GPM6A: variants seen among roughly 807,000 people sequenced by gnomAD.
The protein encoded by GPM6A is neuronal membrane glycoprotein M6-a.
Under a neutral mutation model 32.1 loss-of-function variants are expected in GPM6A, and 7 were observed. The observed-to-expected ratio is 0.22, with a 90% CI of 0.12 to 0.41. The LOEUF is 0.41. Among genes scored for constraint, GPM6A ranks in the 10% least tolerant of loss-of-function variants. The pLI, the probability that GPM6A is intolerant of heterozygous loss-of-function variation, is 1.00. For missense variants in GPM6A, 235 were observed against 347.2 expected (o/e 0.68, Z 2.57); for synonymous variants, 130 against 123.4 (o/e 1.05, Z -0.35).
At chr4:176,000,846 A>C (rs1273549504) in intron 1 of GPM6A, among the ~76,000 whole-genome samples, 3 of 152,212 alleles carry the variant, frequency 2.0e-5, no homozygotes, top group Non-Finnish European at 2.9e-5. Flanking sequence ...AAAGAGCCTG[A>C]AATACTCTCT....
chr4:175,712,896 A>C (rs1215422606), intron 1 of GPM6A, among the ~76,000 whole-genome samples: 2 of 152,196 alleles, frequency 1.3e-5, no homozygotes, highest in Non-Finnish European at 2.9e-5. Context: ...CCTTTTAGAA[A>C]AATTCCCAAA....
intron 1 of GPM6A, among the ~76,000 whole-genome samples, chr4:175,945,775 A>T (rs6851980): frequency 0.17 from 4,483 of 25,628 alleles, 228 homozygotes; most frequent in South Asian, 0.35. Flanking sequence ...TGCATATTAC[A>T]TACAACTCAG....
intron 1 of GPM6A, among the ~76,000 whole-genome samples, chr4:175,828,199 G>C (rs1735495873): frequency 6.6e-6 from 1 of 152,082 alleles, no homozygotes; most frequent in Non-Finnish European, 1.5e-5. Flanking sequence ...CCACAGGTCT[G>C]CCAAAACAAA....
At chr4:175,944,636 C>T (rs1361125003) in intron 1 of GPM6A, among the ~76,000 whole-genome samples, 2 of 152,204 alleles carry the variant, frequency 1.3e-5, no homozygotes, top group African/African-American at 2.4e-5. Context: ...AATCTCTGCA[C>T]ATCTCCCTCA....
chr4:175,638,735 G>A lies in GPM6A; in HGVS notation c.684+1394C>T, dbSNP rs185773972. ...TAAAAGATACCTTCACAGACTTCTTGTACCTGGGTATATATTGCTTGTACA... is the reference window on the plus strand; with the variant it reads ...TAAAAGATACCTTCACAGACTTCTTATACCTGGGTATATATTGCTTGTACA... On this transcript the variant is annotated intron_variant, in intron 6 of 6. Transcript: ENST00000393658. 9.2e-5 allele frequency among the ~76,000 whole-genome samples: 14 copies of A among 152,156 alleles called. No individual in the cohort carries two copies. The East Asian group carries it at 1.9e-3, about 21-fold the overall frequency.
rs185180214 is a variant in GPM6A, at chr4:175,851,958, T to C, written c.-22-39709A>G. 1.2e-4 allele frequency among the ~76,000 whole-genome samples: 19 copies of C among 152,152 alleles called. No individual in the cohort carries two copies. The East Asian group carries it at 3.7e-3, about 30-fold the overall frequency. Reference sequence around the variant, plus strand: ...TGGCCACACACTGGGTGAAGCAATATGGAAAGAAGATGTTAGCCCCAGGAA... The same window carrying C: ...TGGCCACACACTGGGTGAAGCAATACGGAAAGAAGATGTTAGCCCCAGGAA... On this transcript the variant is annotated intron_variant, in intron 1 of 7. Coordinates refer to the GPM6A transcript ENST00000280187.
chr4:175,787,972 T>C (rs1394784026), intron 1 of GPM6A: 2 of 152,196 alleles, frequency 1.3e-5, no homozygotes, highest in Non-Finnish European at 2.9e-5. Context: ...AGTTTTAAGT[T>C]ATGAAAATTA....
chr4:175,954,079 C>T (rs1739905820), intron 1 of GPM6A, among the ~76,000 whole-genome samples: 1 of 152,170 alleles, frequency 6.6e-6, no homozygotes, highest in South Asian at 2.1e-4. Context: ...TCCTGGCCCG[C>T]TCTATACCTT....
At chr4:175,897,934 A>G (rs1376189738) in intron 1 of GPM6A, among the ~76,000 whole-genome samples, 1 of 152,186 alleles carries the variant, frequency 6.6e-6, no homozygotes, top group Non-Finnish European at 1.5e-5. Flanking sequence ...GATACCTGTT[A>G]TATTTTACTA....
At chr4:175,802,206 A>G (rs1734499905) in intron 1 of GPM6A, among the ~76,000 whole-genome samples, 1 of 152,154 alleles carries the variant, frequency 6.6e-6, no homozygotes, top group Non-Finnish European at 1.5e-5. Context: ...GCCTGGCTAT[A>G]CAACTGGCCT....
At chr4:175,795,845 T>C (rs1299953052) in intron 1 of GPM6A, 1 of 152,276 alleles carries the variant, frequency 6.6e-6, no homozygotes, top group Non-Finnish European at 1.5e-5. Flanking sequence ...GATCCTTTGC[T>C]CTGGAGAAGC....
intron 1 of GPM6A, among the ~76,000 whole-genome samples, chr4:175,703,566 C>T (rs1340728143): frequency 1.3e-5 from 2 of 152,174 alleles, no homozygotes; most frequent in Non-Finnish European, 2.9e-5. Flanking sequence ...TTTGAAGTCT[C>T]ATCACTTTTA....
In GPM6A at chr4:175,790,046, C is replaced by T. The variant is rs138763335; in HGVS notation, c.37+22145G>A. ...TACACATCAAATCAAAACCGTATTT[C>T]GTAATCATCTAAGTGAATTTTTAAA... On this transcript the variant is annotated intron_variant, in intron 1 of 6. Transcript: ENST00000393658. 2.5e-3 allele frequency among the ~76,000 whole-genome samples: 385 copies of T among 152,304 alleles called. 2 individuals are homozygous for T. Among genetic ancestry groups the T allele is most frequent in the African/African-American group, 8.6e-3 (356 of 41,570 alleles).
At chr4:175,692,321 T>C (rs17061799) in intron 2 of GPM6A, among the ~76,000 whole-genome samples, 7,171 of 152,262 alleles carry the variant, frequency 0.047, 201 homozygotes, top group Non-Finnish European at 0.063. Context: ...AAAATGAAGA[T>C]GCATTAATAA....
intron 1 of GPM6A, among the ~76,000 whole-genome samples, chr4:175,775,437 T>C (rs987369386): frequency 6.6e-6 from 1 of 152,134 alleles, no homozygotes; most frequent in Non-Finnish European, 1.5e-5. Flanking sequence ...ATGTGAGGAA[T>C]GTTGTTTAGC....
intron 6 of GPM6A, among the ~76,000 whole-genome samples, chr4:175,636,988 A>G (rs907902504): frequency 7.2e-5 from 10 of 138,650 alleles, no homozygotes; most frequent in South Asian, 4.3e-4. Flanking sequence ...GTAAATATAT[A>G]TAAGATAAAA....
chr4:175,848,814 AC>A (rs1736166313), intron 1 of GPM6A, among the ~76,000 whole-genome samples: 1 of 152,192 alleles, frequency 6.6e-6, no homozygotes, highest in Non-Finnish European at 1.5e-5. Flanking sequence ...TCTAATAAAT[AC>A]TATTATTGAT....
upstream of GPM6A, chr4:175,812,301 GT>G: frequency 4.5e-5 from 36 of 793,064 alleles, 1 homozygote; most frequent in East Asian, 1.6e-3. Flanking sequence ...AAAACTGGGG[GT>G]TTTTTTTTTT....
chr4:175,697,137 G>A (rs1251365885), intron 2 of GPM6A, among the ~76,000 whole-genome samples: 1 of 152,148 alleles, frequency 6.6e-6, no homozygotes, highest in Non-Finnish European at 1.5e-5. Flanking sequence ...AGCTACAGGA[G>A]GGCATGCTTA....
Sources: gnomAD v4.1 joint callset for allele counts (sites outside exome capture counted in the v4.1 genomes callset) on GRCh38, gnomAD v4.1.1 for gene constraint, MANE v1.5 for transcripts, NCBI Gene and HGNC (gene_info 2026-07-23, HGNC 2026-07-21) for gene names.